PPP2R5C: variants seen among roughly 807,000 people sequenced by gnomAD.
PPP2R5C encodes the protein serine/threonine-protein phosphatase 2A 56 kDa regulatory subunit gamma isoform.
Under a neutral mutation model 68.9 loss-of-function variants are expected in PPP2R5C, and 7 were observed. That is an observed-to-expected ratio of 0.10 (90% CI 0.06 to 0.19). The LOEUF (loss-of-function observed/expected upper bound fraction) is 0.19. Among genes scored for constraint, PPP2R5C ranks in the 10% least tolerant of loss-of-function variants. The pLI is 1.00. For synonymous variants in PPP2R5C, 210 were observed against 222.2 expected (o/e 0.95, Z 0.49); for missense variants, 348 against 641.3 (o/e 0.54, Z 4.94).
intron 13 of PPP2R5C, among the ~76,000 whole-genome samples, chr14:101,924,443 A>ATTTTTTTTTTTTTTTTTTTTTTTTTT (rs2047175999): frequency 1.2e-4 from 7 of 56,846 alleles, no homozygotes; most frequent in African/African-American, 3.8e-4. Context: ...AAATTTCTAC[A>ATTTTTTTTTTTTTTTTTTTTTTTTTT]TCTTTTTTTT....
chr14:101,918,642 A>AC (rs140997690), intron 13 of PPP2R5C, among the ~76,000 whole-genome samples: 7 of 1,858 alleles, frequency 3.8e-3, no homozygotes, highest in African/African-American at 0.033. Context: ...CTCCCCCCTG[A>AC]CCCCCCTCGC....
chr14:101,760,615 G>A, upstream of PPP2R5C: 1 of 798,198 alleles, frequency 1.3e-6, no homozygotes, highest in Non-Finnish European at 1.5e-6. Context: ...GGACGGGACT[G>A]TCGGGTAGGC....
intron 2 of PPP2R5C, among the ~76,000 whole-genome samples, chr14:101,776,499 A>G (rs1243459509): frequency 6.6e-6 from 1 of 152,162 alleles, no homozygotes; most frequent in African/African-American, 2.4e-5. Context: ...CTATTCAGCC[A>G]ACACTAATGC....
At chr14:101,925,424 A>G (rs538110830) in exon 14 of PPP2R5C, 234 of 1,325,670 alleles carry the variant, frequency 1.8e-4, no homozygotes, top group Non-Finnish European at 2.2e-4. Flanking sequence ...TCAGCGCGAG[A>G]TTAGGAGTTC....
intron 3 of PPP2R5C, among the ~76,000 whole-genome samples, chr14:101,794,018 T>G (rs958269521): frequency 1.3e-5 from 2 of 152,042 alleles, no homozygotes; most frequent in South Asian, 4.1e-4. Flanking sequence ...GAGCCTGGGG[T>G]TTTTATGGGC....
intron 13 of PPP2R5C, among the ~76,000 whole-genome samples, chr14:101,920,877 T>C (rs1301995116): frequency 6.6e-6 from 1 of 151,690 alleles, no homozygotes; most frequent in African/African-American, 2.4e-5. Flanking sequence ...GCGATCCTTC[T>C]ACCTCAGCCT....
chr14:101,881,531 T>A (rs2044170270), intron 2 of PPP2R5C, among the ~76,000 whole-genome samples: 1 of 152,246 alleles, frequency 6.6e-6, no homozygotes, highest in South Asian at 2.1e-4. Flanking sequence ...CCAAACAGAC[T>A]GAGAGAAATC....
chr14:101,919,980 A>AAAC (rs1555403919), intron 13 of PPP2R5C, among the ~76,000 whole-genome samples: 4 of 114,144 alleles, frequency 3.5e-5, no homozygotes, highest in African/African-American at 1.8e-4. Flanking sequence ...AAAAAAAAAA[A>AAAC]AAAAAAAAAA....
upstream of PPP2R5C, among the ~76,000 whole-genome samples, chr14:101,809,353 A>G (rs760390868): frequency 6.6e-6 from 1 of 151,790 alleles, no homozygotes; most frequent in Admixed American, 6.6e-5. Context: ...AGTCCAAACT[A>G]ATGGATTAGA....
chr14:101,866,945 G>T (rs1010887616), intron 2 of PPP2R5C, among the ~76,000 whole-genome samples: 1 of 151,974 alleles, frequency 6.6e-6, no homozygotes, highest in African/African-American at 2.4e-5. Context: ...GGCCGGGCAC[G>T]GTGGCTCACA....
intron 8 of PPP2R5C, among the ~76,000 whole-genome samples, chr14:101,900,895 C>G (rs1291083510): frequency 6.6e-6 from 1 of 152,256 alleles, no homozygotes; most frequent in Non-Finnish European, 1.5e-5. Context: ...CTGCTCACCG[C>G]AGGCCCAGCA....
At chr14:101,762,052 A>AG in intron 1 of PPP2R5C, 132 bp downstream of exon 1, 1 of 953,992 alleles carries the variant, frequency 1.0e-6, no homozygotes, top group Non-Finnish European at 1.3e-6. Flanking sequence ...CGCGTCCCCG[A>AG]GGGCGGCCGA....
chr14:101,869,373 G>A (rs2043256947), intron 2 of PPP2R5C, among the ~76,000 whole-genome samples: 1 of 152,148 alleles, frequency 6.6e-6, no homozygotes, highest in Non-Finnish European at 1.5e-5. Context: ...TTTATTTGGA[G>A]CAATAAAACT....
chr14:101,816,062 T>G (rs2039647537), intron 1 of PPP2R5C, among the ~76,000 whole-genome samples: 1 of 152,256 alleles, frequency 6.6e-6, no homozygotes, highest in Admixed American at 6.5e-5. Flanking sequence ...CTCTATACGC[T>G]GTAGTTAACG....
intron 8 of PPP2R5C, among the ~76,000 whole-genome samples, chr14:101,900,943 G>A (rs1042936311): frequency 2.0e-5 from 3 of 152,238 alleles, no homozygotes; most frequent in South Asian, 2.1e-4. Context: ...ACAGGTGTGC[G>A]CACAGAGAGC....
rs1470694914 is a variant in PPP2R5C, at chr14:101,893,665, G to A, written c.798+557G>A. Among the ~76,000 whole-genome samples the A allele has an allele frequency of 3.9e-5, 6 of 152,150 alleles. No homozygotes were observed. In the East Asian group the frequency reaches 9.6e-4, roughly 24 times the overall value. ...CTCAGGAGGCTGAGGCAGGAGAATC[G>A]CTTGAACCCGGGAGGCGGAGGTTGC... is the stretch of plus-strand genomic sequence containing the variant. On this transcript the variant is annotated intron_variant, in intron 7 of 13. Transcript: ENST00000334743.
At chr14:101,914,192 A>G (rs910398831) in intron 12 of PPP2R5C, 2 of 455,944 alleles carry the variant, frequency 4.4e-6, no homozygotes, top group African/African-American at 4.0e-5. Flanking sequence ...GTGGTTCTGC[A>G]TAGGAGCTTT....
chr14:101,924,361 T>C (rs907221828), intron 13 of PPP2R5C, among the ~76,000 whole-genome samples: 1 of 151,910 alleles, frequency 6.6e-6, no homozygotes, highest in African/African-American at 2.4e-5. Context: ...TATATATTTT[T>C]TTCAATTTGA....
intron 1 of PPP2R5C, chr14:101,824,090 T>C (rs1431566945): frequency 7.8e-7 from 1 of 1,289,160 alleles, no homozygotes; most frequent in Non-Finnish European, 1.0e-6. Context: ...GACTTTCCAC[T>C]TGATTTTCGG....
Sources: allele counts gnomAD v4.1 joint callset (sites outside exome capture counted in the v4.1 genomes callset), GRCh38; gene constraint gnomAD v4.1.1; transcripts MANE v1.5; gene names NCBI Gene and HGNC (gene_info 2026-07-23, HGNC 2026-07-21).